ITPR2: variants seen among roughly 807,000 people sequenced by gnomAD.
ITPR2 encodes the protein inositol 1,4,5-trisphosphate-gated calcium channel ITPR2.
Under a neutral mutation model 317.1 loss-of-function variants are expected in ITPR2, and 207 were observed. The observed-to-expected ratio is 0.65, with a 90% CI of 0.58 to 0.73. The LOEUF is 0.73. Ranked by LOEUF, ITPR2 falls within the 30% of genes least tolerant of loss-of-function variation. ITPR2 has a pLI of 0.00. For missense variants in ITPR2, 2,613 were observed against 3,284.0 expected (o/e 0.80, Z 4.99); for synonymous variants, 1,156 against 1,149.1 (o/e 1.01, Z -0.12).
chr12:26,709,906 T>C (rs1019292638), intron 9 of ITPR2, among the ~76,000 whole-genome samples: 3 of 152,290 alleles, frequency 2.0e-5, no homozygotes, highest in Non-Finnish European at 4.4e-5. Context: ...CTAAATAATG[T>C]GTTAGATACT....
At chr12:26,605,480 A>G (rs1946111217) in intron 26 of ITPR2, among the ~76,000 whole-genome samples, 1 of 152,206 alleles carries the variant, frequency 6.6e-6, no homozygotes. Context: ...TACCAGCTCT[A>G]AAGATTGACA....
chr12:26,703,232 T>C (rs1010228691), intron 9 of ITPR2, among the ~76,000 whole-genome samples: 1 of 152,200 alleles, frequency 6.6e-6, no homozygotes, highest in African/African-American at 2.4e-5. Context: ...AATTAGACAT[T>C]ACATAGAACC....
At chr12:26,651,241 C>G in intron 21 of ITPR2, among the ~76,000 whole-genome samples, 1 of 151,992 alleles carries the variant, frequency 6.6e-6, no homozygotes, top group South Asian at 2.1e-4. Context: ...TCTTCTTTGC[C>G]TTTCTTCCAT....
chr12:26,440,095 T>C (rs1372040788), intron 46 of ITPR2, among the ~76,000 whole-genome samples: 3 of 152,110 alleles, frequency 2.0e-5, no homozygotes, highest in Non-Finnish European at 4.4e-5. Flanking sequence ...TGCCACTGAC[T>C]GGTGTGGTGG....
chr12:26,568,302 A>T (rs1945067492), intron 34 of ITPR2, among the ~76,000 whole-genome samples: 1 of 151,626 alleles, frequency 6.6e-6, no homozygotes, highest in African/African-American at 2.4e-5. Context: ...AAGTACATGG[A>T]TCCCTTAAAA....
chr12:26,501,038 T>G (rs950915246), intron 37 of ITPR2, among the ~76,000 whole-genome samples: 1 of 152,132 alleles, frequency 6.6e-6, no homozygotes, highest in Non-Finnish European at 1.5e-5. Context: ...CCTAGAAAAC[T>G]AAGTCCTCAA....
In ITPR2 at chr12:26,768,427, AAAAAAAAT is replaced by A. The variant is rs1449835868; in HGVS notation, c.163+21722_163+21729del. ...CTTAAAGTATAATAAAAAAAAATTA[AAAAAAAAT>A]AAAAAATAAAAAATAAAAAATAAAA... On this transcript the variant is annotated intron_variant, in intron 2 of 56. Transcript: ENST00000381340. Among the ~76,000 whole-genome samples, 397 of 60,156 alleles carry A rather than the reference AAAAAAAAT, an allele frequency of 6.6e-3. 4 individuals are homozygous for A. Among genetic ancestry groups the A allele is most frequent in the African/African-American group, 0.014 (373 of 26,986 alleles). 39.5% of individuals were successfully genotyped at this position (60,156 alleles called of 152,430 possible).
intron 13 of ITPR2, among the ~76,000 whole-genome samples, chr12:26,677,124 C>T (rs1947925742): frequency 6.6e-6 from 1 of 151,992 alleles, no homozygotes; most frequent in Non-Finnish European, 1.5e-5. Context: ...TGACCTAAAG[C>T]TTCTAAATCA....
At chr12:26,458,124 T>C (rs2136776319) in intron 45 of ITPR2, among the ~76,000 whole-genome samples, 1 of 152,202 alleles carries the variant, frequency 6.6e-6, no homozygotes, top group African/African-American at 2.4e-5. Flanking sequence ...CTGTGGAAAG[T>C]GAATTGAAAA....
intron 55 of ITPR2, among the ~76,000 whole-genome samples, chr12:26,372,999 C>T (rs1939230588): frequency 6.6e-6 from 1 of 152,146 alleles, no homozygotes; most frequent in Non-Finnish European, 1.5e-5. Context: ...TGTTGTCCTA[C>T]TGAAAAGGCC....
intron 36 of ITPR2, among the ~76,000 whole-genome samples, chr12:26,553,792 A>AGTCTTTTTTTTTT (rs1408786819): frequency 2.0e-5 from 3 of 152,170 alleles, no homozygotes; most frequent in African/African-American, 7.2e-5. Flanking sequence ...CTCAAAAAAA[A>AGTCTTTTTTTTTT]AGACCCCTGG....
chr12:26,772,291 T>A (rs1024058037), intron 2 of ITPR2, among the ~76,000 whole-genome samples: 6 of 150,966 alleles, frequency 4.0e-5, no homozygotes, highest in African/African-American at 1.5e-4. Context: ...TTAAGAAGCT[T>A]TCCTCATCAC....
chr12:26,539,033 G>C (rs867335902), intron 37 of ITPR2, among the ~76,000 whole-genome samples: 1 of 152,168 alleles, frequency 6.6e-6, no homozygotes, highest in South Asian at 2.1e-4. Context: ...GATATGCCTA[G>C]TCAACAGCAG....
At chr12:26,655,511 G>A (rs1026726418) in intron 20 of ITPR2, among the ~76,000 whole-genome samples, 197 bp downstream of exon 20, 2 of 151,806 alleles carry the variant, frequency 1.3e-5, no homozygotes, top group African/African-American at 2.4e-5. Context: ...CTACTCGGGA[G>A]GCTGAGGCAG....
chr12:26,541,382 G>A (rs1483256452), intron 37 of ITPR2, among the ~76,000 whole-genome samples: 1 of 152,058 alleles, frequency 6.6e-6, no homozygotes, highest in Non-Finnish European at 1.5e-5. Context: ...GAATGACTAA[G>A]ATGGTACACA....
intron 43 of ITPR2, 142 bp from the exon 44 acceptor site, chr12:26,477,149 A>G: frequency 1.7e-6 from 1 of 571,632 alleles, no homozygotes; most frequent in Non-Finnish European, 3.1e-6. Context: ...TGTCTTGTTA[A>G]CATTCTAAAA....
intron 55 of ITPR2, among the ~76,000 whole-genome samples, chr12:26,346,443 T>C (rs1237203917): frequency 6.6e-6 from 1 of 152,122 alleles, no homozygotes; most frequent in Admixed American, 6.5e-5. Flanking sequence ...GCCATCATGG[T>C]GAAACCCTGC....
At chr12:26,790,737 G>C (rs1453835221) in intron 1 of ITPR2, among the ~76,000 whole-genome samples, 1 of 152,056 alleles carries the variant, frequency 6.6e-6, no homozygotes, top group East Asian at 1.9e-4. Context: ...GTTTTACAGG[G>C]AATGTGTAAG....
At chr12:26,539,842 A>C (rs1944208130) in intron 37 of ITPR2, among the ~76,000 whole-genome samples, 4 of 152,256 alleles carry the variant, frequency 2.6e-5, no homozygotes. Flanking sequence ...TGCAAAGTAT[A>C]ACATGACATG....
Sources: gnomAD v4.1 joint callset for allele counts (sites outside exome capture counted in the v4.1 genomes callset) on GRCh38, gnomAD v4.1.1 for gene constraint, MANE v1.5 for transcripts, NCBI Gene and HGNC (gene_info 2026-07-23, HGNC 2026-07-21) for gene names.